Variants in SCAF4 observed in about 807,000 individuals in gnomAD.
SCAF4 encodes SR-related and CTD-associated factor 4.
A neutral mutation model predicts 129.8 loss-of-function variants in SCAF4; 25 were observed. That is an observed-to-expected ratio of 0.19 (90% CI 0.14 to 0.27). SCAF4 has a LOEUF of 0.27. Ranked by LOEUF, SCAF4 falls within the 10% of genes least tolerant of loss-of-function variation. The pLI is 1.00. For synonymous variants in SCAF4, 551 were observed against 497.7 expected, an observed-to-expected ratio of 1.11 and a Z score of -1.43; for missense variants, 1,246 against 1,457.1, an observed-to-expected ratio of 0.86 and a Z score of 2.36.
chr21:31,691,716 T>C, intron 14 of SCAF4, 101 bp downstream of exon 14: 3 of 455,526 alleles, frequency 6.6e-6, no homozygotes, highest in Non-Finnish European at 1.2e-5. Context: ...GCCTCAGTGT[T>C]GAAAGTCATT....
chr21:31,717,904 TACACACACACACACACACAC>T (rs35191665), intron 1 of SCAF4, among the ~76,000 whole-genome samples: 6 of 117,946 alleles, frequency 5.1e-5, no homozygotes, highest in South Asian at 2.8e-4. Flanking sequence ...TACACATATA[TACACACACACACACACACAC>T]ACACACACAC....
intron 19 of SCAF4, among the ~76,000 whole-genome samples, chr21:31,682,376 C>CA (rs57530611): frequency 0.14 from 18,349 of 127,824 alleles, 1,753 homozygotes; most frequent in East Asian, 0.53. Flanking sequence ...AGACACATCT[C>CA]AAAAAAAAAA....
chr21:31,679,492 T>TAGA, intron 19 of SCAF4, among the ~76,000 whole-genome samples: 1 of 152,312 alleles, frequency 6.6e-6, no homozygotes, highest in Middle Eastern at 3.4e-3. Flanking sequence ...GTTATTCTTA[T>TAGA]AGAAGGCACT....
chr21:31,671,740 T>C lies in SCAF4; in HGVS notation c.3103A>G (p.Arg1035Gly), dbSNP rs1179558104. 6.2e-7 allele frequency: 1 copy of C among 1,614,176 alleles called. No individual in the cohort carries two copies. Among genetic ancestry groups the C allele is most frequent in the Non-Finnish European group, 8.5e-7 (1 of 1,180,002 alleles). The change falls in exon 20 of 20, where the codon AGG (arginine) becomes GGG (glycine). Residue 1035 changes from arginine to glycine, a missense_variant. Transcript: ENST00000286835. ...NSNRDRREWGRRSPDRDRHRD... is the reference protein window; with the variant it reads ...NSNRDRREWGGRSPDRDRHRD... ...TGCCTGTCCCGGTCAGGGCTCCTCC[T>C]TCCCCACTCTCTCCTGTCACGGTTA... is the stretch of plus-strand genomic sequence containing the variant.
intron 1 of SCAF4, among the ~76,000 whole-genome samples, chr21:31,731,174 C>T (rs2051344857): frequency 6.6e-6 from 1 of 152,184 alleles, no homozygotes. Context: ...CGACGCGCCG[C>T]GGCCTGAGCA....
At chr21:31,726,151 T>C (rs572744255) in intron 1 of SCAF4, among the ~76,000 whole-genome samples, 27 of 152,012 alleles carry the variant, frequency 1.8e-4, no homozygotes, top group South Asian at 1.0e-3. Flanking sequence ...GTTCACACCA[T>C]TCTCCTGCCT....
chr21:31,700,869 G>T, intron 7 of SCAF4, 126 bp downstream of exon 7: 1 of 1,062,608 alleles, frequency 9.4e-7, no homozygotes, highest in Non-Finnish European at 1.4e-6. Context: ...CTTGTTGAGG[G>T]GGAAAATCTC....
At chr21:31,729,132 A>G (rs759211667) in intron 1 of SCAF4, among the ~76,000 whole-genome samples, 7 of 152,202 alleles carry the variant, frequency 4.6e-5, no homozygotes, top group Non-Finnish European at 1.0e-4. Context: ...CACTGCTTAA[A>G]ACCTTCAATG....
intron 1 of SCAF4, among the ~76,000 whole-genome samples, chr21:31,719,549 G>A (rs1246562143): frequency 6.6e-6 from 1 of 151,902 alleles, no homozygotes; most frequent in African/African-American, 2.4e-5. Flanking sequence ...TTGTTGCCCA[G>A]GCTGGAATGC....
intron 1 of SCAF4, among the ~76,000 whole-genome samples, chr21:31,714,810 T>C (rs1240331375): frequency 6.6e-6 from 1 of 152,212 alleles, no homozygotes; most frequent in Non-Finnish European, 1.5e-5. Context: ...AATAGGATAA[T>C]GTATGTAAAT....
chr21:31,699,137 T>C (rs993632435), intron 7 of SCAF4, among the ~76,000 whole-genome samples: 8 of 152,142 alleles, frequency 5.3e-5, no homozygotes, highest in Non-Finnish European at 7.4e-5. Flanking sequence ...ATTAGTGGGA[T>C]AGAACAGTGT....
chr21:31,688,540 T>C, intron 15 of SCAF4, 76 bp from the exon 16 acceptor site: 1 of 1,285,826 alleles, frequency 7.8e-7, no homozygotes, highest in Non-Finnish European at 1.1e-6. Flanking sequence ...TGAAAAATGT[T>C]GATTATAAAA....
intron 1 of SCAF4, among the ~76,000 whole-genome samples, chr21:31,717,220 G>A (rs932982349): frequency 2.6e-5 from 4 of 152,092 alleles, no homozygotes; most frequent in African/African-American, 9.7e-5. Context: ...TTTTGAACCA[G>A]TAATTCTACT....
At chr21:31,688,280 G>A (rs778997188) in intron 16 of SCAF4, 27 bp downstream of exon 16, 6 of 1,600,772 alleles carry the variant, frequency 3.7e-6, no homozygotes, top group Non-Finnish European at 5.1e-6. Flanking sequence ...GGCACTTAAA[G>A]TTTAAGTCAT....
chr21:31,708,000 G>A (rs2833486), intron 1 of SCAF4, among the ~76,000 whole-genome samples: 10,105 of 152,098 alleles, frequency 0.066, 949 homozygotes, highest in East Asian at 0.38. Context: ...CTCTAAATAC[G>A]GCTGCAATTC....
chr21:31,698,943 T>C (rs967244931), intron 7 of SCAF4, among the ~76,000 whole-genome samples: 6 of 152,330 alleles, frequency 3.9e-5, no homozygotes, highest in Admixed American at 2.0e-4. Flanking sequence ...CAGATGTAGA[T>C]TCAATTACTG....
chr21:31,673,319 G>C (rs1250385558), intron 19 of SCAF4, among the ~76,000 whole-genome samples: 1 of 152,128 alleles, frequency 6.6e-6, no homozygotes, highest in Non-Finnish European at 1.5e-5. Flanking sequence ...TGATTGAAAG[G>C]AGTTATTCTG....
At chr21:31,705,271 A>G (rs930288408) in intron 3 of SCAF4, 152 bp downstream of exon 3, 6 of 446,192 alleles carry the variant, frequency 1.3e-5, no homozygotes, top group East Asian at 4.0e-5. Flanking sequence ...ACTGCTAAAA[A>G]TGTGTTTTTA....
chr21:31,687,685 A>G (rs1470019724), intron 16 of SCAF4, among the ~76,000 whole-genome samples: 1 of 148,616 alleles, frequency 6.7e-6, no homozygotes, highest in African/African-American at 2.5e-5. Flanking sequence ...GTACATATCC[A>G]AGTTTCTTCA....
Sources: allele counts gnomAD v4.1 joint callset (sites outside exome capture counted in the v4.1 genomes callset), GRCh38; gene constraint gnomAD v4.1.1; transcripts MANE v1.5; gene names NCBI Gene and HGNC (gene_info 2026-07-23, HGNC 2026-07-21).